GRM3: variants seen among roughly 807,000 people sequenced by gnomAD.
GRM3 encodes metabotropic glutamate receptor 3.
Under a neutral mutation model 70.5 loss-of-function variants are expected in GRM3, and 26 were observed. The ratio of observed to expected loss-of-function variants is 0.37; its 90% CI spans 0.27 to 0.51. The LOEUF (loss-of-function observed/expected upper bound fraction) is 0.51. GRM3 is among the 20% of genes least tolerant of loss of function. The pLI, the probability that GRM3 is intolerant of heterozygous loss-of-function variation, is 0.93. For synonymous variants in GRM3, 443 were observed against 434.9 expected, an observed-to-expected ratio of 1.02 and a Z score of -0.23; for missense variants, 859 against 1,123.8, an observed-to-expected ratio of 0.76 and a Z score of 3.37.
intron 4 of GRM3, among the ~76,000 whole-genome samples, chr7:86,847,639 A>C (rs1484819792): frequency 6.6e-6 from 1 of 152,188 alleles, no homozygotes; most frequent in Non-Finnish European, 1.5e-5. Context: ...TAGATAACTA[A>C]GACAAAGAAC....
intron 1 of GRM3, among the ~76,000 whole-genome samples, chr7:86,680,748 GAC>G (rs1349110358): frequency 6.6e-6 from 1 of 152,090 alleles, no homozygotes; most frequent in Admixed American, 6.6e-5. Context: ...TCACATAGCT[GAC>G]TTGTTCTTAG....
intron 3 of GRM3, among the ~76,000 whole-genome samples, chr7:86,793,338 G>A (rs773608518): frequency 1.1e-4 from 17 of 152,134 alleles, no homozygotes; most frequent in Non-Finnish European, 2.1e-4. Context: ...CTCTCCTCTT[G>A]AAAAGTACAG....
chr7:86,717,434 G>C (rs1307436598), intron 1 of GRM3, among the ~76,000 whole-genome samples: 1 of 151,964 alleles, frequency 6.6e-6, no homozygotes, highest in African/African-American at 2.4e-5. Flanking sequence ...TAATCAGCAA[G>C]TGGCTATCAT....
chr7:86,645,502 C>A (rs1793436064), intron 1 of GRM3, among the ~76,000 whole-genome samples: 1 of 152,178 alleles, frequency 6.6e-6, no homozygotes, highest in Non-Finnish European at 1.5e-5. Context: ...GTTCCATTTT[C>A]TTATCTGACA....
chr7:86,714,894 C>T (rs1795281063), intron 1 of GRM3, among the ~76,000 whole-genome samples: 1 of 151,876 alleles, frequency 6.6e-6, no homozygotes. Flanking sequence ...TCGATTTAAG[C>T]CAATATCCAA....
At chr7:86,678,983 T>C (rs1794374027) in intron 1 of GRM3, among the ~76,000 whole-genome samples, 1 of 152,218 alleles carries the variant, frequency 6.6e-6, no homozygotes, top group South Asian at 2.1e-4. Context: ...TTTGGAAAAG[T>C]CTTTTTTTAT....
chr7:86,709,086 C>T (rs1202110563), intron 1 of GRM3, among the ~76,000 whole-genome samples: 1 of 151,960 alleles, frequency 6.6e-6, no homozygotes, highest in Non-Finnish European at 1.5e-5. Context: ...AAAGTAATTA[C>T]AAGCTTTGAT....
rs749000664 is a variant in GRM3 at position 86,850,533 on chromosome 7, C to T, written c.2555C>T (p.Thr852Ile). Residue 852 changes from threonine (T) to isoleucine (I), a missense_variant, in exon 5 of 6, where the codon ACA (threonine) becomes ATA (isoleucine). Transcript: ENST00000361669. ...NRFSVSGTGT[T>I]YSQSSASTYV... ...TTCAGTGTCAGTGGAACTGGGACCA[C>T]ATACTCTCAGTGTAAGTATGGAACT... 5 of 1,602,766 alleles carry T rather than the reference C, an allele frequency of 3.1e-6. No homozygotes were observed. In the South Asian group the frequency reaches 4.4e-5, roughly 14 times the overall value.
intron 1 of GRM3, 122 bp from the exon 2 acceptor site, chr7:86,764,884 T>C (rs1228265640): frequency 4.1e-6 from 2 of 487,588 alleles, no homozygotes; most frequent in Non-Finnish European, 6.8e-6. Context: ...GGTGCTGTGG[T>C]GTACTGTGTG....
At chr7:86,826,012 A>G (rs1293775898) in intron 3 of GRM3, among the ~76,000 whole-genome samples, 1 of 152,162 alleles carries the variant, frequency 6.6e-6, no homozygotes, top group African/African-American at 2.4e-5. Flanking sequence ...TGCCTTTTTA[A>G]AAAAGTCATG....
At chr7:86,790,664 C>T (rs1203440706) in intron 3 of GRM3, among the ~76,000 whole-genome samples, 1 of 152,074 alleles carries the variant, frequency 6.6e-6, no homozygotes, top group Non-Finnish European at 1.5e-5. Flanking sequence ...ACCTTTTACT[C>T]TCCTTCTTTC....
chr7:86,732,502 C>T (rs868571916), intron 1 of GRM3, among the ~76,000 whole-genome samples: 4 of 152,246 alleles, frequency 2.6e-5, no homozygotes, highest in Middle Eastern at 3.4e-3. Context: ...GACTATAGTT[C>T]AACCAATACG....
At chr7:86,729,441 G>C (rs1211697983) in intron 1 of GRM3, among the ~76,000 whole-genome samples, 2 of 152,130 alleles carry the variant, frequency 1.3e-5, no homozygotes, top group African/African-American at 4.8e-5. Context: ...CCTATTAATA[G>C]CAGAAAAATA....
intron 1 of GRM3, among the ~76,000 whole-genome samples, chr7:86,661,362 C>A (rs1793889503): frequency 6.6e-6 from 1 of 151,922 alleles, no homozygotes; most frequent in South Asian, 2.1e-4. Flanking sequence ...TTTGGTACAT[C>A]CATCGATCCT....
Position 86,765,255 on chromosome 7 carries a change from G to A in GRM3, c.110G>A (p.Gly37Asp), listed in dbSNP as rs780288117. The A allele has an allele frequency of 6.2e-7, 1 of 1,613,818 alleles. No individual in the cohort carries two copies. The highest frequency in any genetic ancestry group is 8.5e-7 in the Non-Finnish European group (1 of 1,179,838). The stretch of plus-strand genomic sequence containing the variant: ...CTAAGGAGAGAGATTAAAATAGAAG[G>A]TGACCTTGTTTTAGGGGGCCTGTTT... Reference protein sequence around the residue: ...NFLRREIKIEGDLVLGGLFPI... With the variant: ...NFLRREIKIEDDLVLGGLFPI... Residue 37 changes from glycine (G) to aspartate (D), a missense_variant, in exon 2 of 6, where the codon GGT (glycine) becomes GAT (aspartate). Coordinates refer to ENST00000361669, the MANE Select transcript of GRM3 (RefSeq NM_000840.3).
chr7:86,851,614 A>G (rs1038415949), intron 5 of GRM3, among the ~76,000 whole-genome samples: 3 of 152,132 alleles, frequency 2.0e-5, no homozygotes, highest in African/African-American at 7.2e-5. Context: ...GTCAGCAATC[A>G]CATTAGCGCC....
intron 3 of GRM3, among the ~76,000 whole-genome samples, chr7:86,801,064 C>CTTTTTTTTT (rs67046105): frequency 7.3e-4 from 63 of 86,822 alleles, no homozygotes; most frequent in South Asian, 1.3e-3. Flanking sequence ...CAAACTTCTT[C>CTTTTTTTTT]TTTTTTTTTT....
At chr7:86,798,995 G>A (rs1044216580) in intron 3 of GRM3, among the ~76,000 whole-genome samples, 3 of 152,138 alleles carry the variant, frequency 2.0e-5, no homozygotes, top group Admixed American at 1.3e-4. Context: ...AAATTACCTA[G>A]TCTTGGGTAT....
intron 1 of GRM3, among the ~76,000 whole-genome samples, chr7:86,723,228 A>G (rs1043394521): frequency 9.7e-6 from 1 of 102,630 alleles, no homozygotes; most frequent in Non-Finnish European, 2.3e-5. Flanking sequence ...CTACATCCAT[A>G]AAAAAAATAT....
Sources: gnomAD v4.1 joint callset for allele counts (sites outside exome capture counted in the v4.1 genomes callset) on GRCh38, gnomAD v4.1.1 for gene constraint, MANE v1.5 for transcripts, NCBI Gene and HGNC (gene_info 2026-07-23, HGNC 2026-07-21) for gene names.